Variants in ANKFN1 observed in about 807,000 individuals in gnomAD.
ANKFN1 encodes the protein ankyrin repeat and fibronectin type-III domain-containing protein 1.
ANKFN1 carries 74 observed loss-of-function variants against 108.7 expected under a neutral mutation model. That is an observed-to-expected ratio of 0.68 (90% CI 0.56 to 0.83). ANKFN1 has a LOEUF of 0.83. ANKFN1 is among the 40% of genes least tolerant of loss of function. ANKFN1 has a pLI of 0.00. For missense variants in ANKFN1, 1,505 were observed against 1,382.3 expected, an observed-to-expected ratio of 1.09 and a Z score of -1.41; for synonymous variants, 547 against 516.2, an observed-to-expected ratio of 1.06 and a Z score of -0.81.
At chr17:56,407,820 T>G (rs1392208758) in intron 8 of ANKFN1, among the ~76,000 whole-genome samples, 1 of 152,192 alleles carries the variant, frequency 6.6e-6, no homozygotes, top group Non-Finnish European at 1.5e-5. Context: ...TCAATAAAAT[T>G]TCTTGATGCT....
rs151055227 is a variant in ANKFN1 at position 56,311,367 on chromosome 17, T to G, written c.54-14854T>G. On this transcript the variant is annotated intron_variant, in intron 3 of 20. Transcript: ENST00000682825. The stretch of plus-strand genomic sequence containing the variant: ...TGTGGGGTTCAAAAGAATTGGTGAG[T>G]ATAAGGGACTCATCAAGTACAGGTT... Among the ~76,000 whole-genome samples the G allele has an allele frequency of 2.6e-3, 397 of 152,290 alleles. 3 individuals are homozygous for G. Among genetic ancestry groups the G allele is most frequent in the African/African-American group, 9.0e-3 (372 of 41,544 alleles).
chr17:56,082,322 C>G (rs1905257173), intron 4 of ANKFN1, among the ~76,000 whole-genome samples: 1 of 150,624 alleles, frequency 6.6e-6, no homozygotes, highest in African/African-American at 2.4e-5. Flanking sequence ...TTTTTGTCCT[C>G]TTGGCTTCTC....
chr17:56,201,341 C>A (rs76339515), intron 1 of ANKFN1, among the ~76,000 whole-genome samples: 3,724 of 152,262 alleles, frequency 0.024, 138 homozygotes, highest in African/African-American at 0.085. Flanking sequence ...ATCCAGCAGA[C>A]CTTTGTTTGA....
At chr17:56,432,007 G>A (rs1049314563) in intron 8 of ANKFN1, among the ~76,000 whole-genome samples, 1 of 152,198 alleles carries the variant, frequency 6.6e-6, no homozygotes, top group Admixed American at 6.5e-5. Context: ...CAGAATCCCA[G>A]GAAACATCTC....
intron 8 of ANKFN1, among the ~76,000 whole-genome samples, chr17:56,399,841 TTTTATATATA>T (rs1567972917): frequency 4.5e-5 from 2 of 43,990 alleles, no homozygotes; most frequent in African/African-American, 1.7e-4. Flanking sequence ...GTATTCCATT[TTTTATATATA>T]TATATATATA....
intron 1 of ANKFN1, among the ~76,000 whole-genome samples, chr17:56,162,147 G>A (rs1253458418): frequency 2.6e-5 from 4 of 152,130 alleles, no homozygotes; most frequent in African/African-American, 7.2e-5. Flanking sequence ...ATAAAACTAA[G>A]GAGAGGTAGT....
In ANKFN1 at chr17:56,457,306, A is replaced by G; in HGVS notation, c.1357A>G (p.Thr453Ala). Residue 453 changes from threonine (T) to alanine (A), a missense_variant, in exon 13 of 21, where the codon ACC becomes GCC. Transcript: ENST00000682825. Reference protein sequence around the residue: ...IFYYKDNILVTNEDQVPIVEI... With the variant: ...IFYYKDNILVANEDQVPIVEI... ...TTATTACAAAGACAATATCTTAGTC[A>G]CCAATGAAGATCAAGTACCAATTGT... is the stretch of plus-strand genomic sequence containing the variant. The G allele has an allele frequency of 6.2e-7, 1 of 1,603,536 alleles. No homozygotes were observed. Among genetic ancestry groups the G allele is most frequent in the Non-Finnish European group, 8.5e-7 (1 of 1,173,394 alleles).
At chr17:56,183,905 C>A (rs1720270810) in intron 1 of ANKFN1, among the ~76,000 whole-genome samples, 1 of 152,258 alleles carries the variant, frequency 6.6e-6, no homozygotes, top group East Asian at 1.9e-4. Context: ...AGAAGTAAAG[C>A]CTTCAGATGT....
chr17:56,328,788 G>C (rs773064472), intron 4 of ANKFN1, among the ~76,000 whole-genome samples: 9 of 151,444 alleles, frequency 5.9e-5, no homozygotes, highest in South Asian at 2.1e-4. Context: ...AAAAAAAAAG[G>C]GGGGGCAGGA....
intron 4 of ANKFN1, among the ~76,000 whole-genome samples, chr17:56,055,524 GTGTATGCCTAA>G (rs1904852685): frequency 7.6e-6 from 1 of 131,218 alleles, no homozygotes; most frequent in African/African-American, 3.2e-5. Context: ...GTGTGTGTGT[GTGTATGCCTAA>G]TGTGGTATAT....
intron 4 of ANKFN1, 48 bp downstream of exon 4, chr17:56,326,403 C>T (rs1432337401): frequency 1.1e-5 from 17 of 1,569,408 alleles, no homozygotes; most frequent in Non-Finnish European, 1.5e-5. Context: ...ATGGAGCTTT[C>T]TTAATTACTG....
rs545126122 is a variant in ANKFN1 at position 56,414,695 on chromosome 17, A to G, written c.911-25632A>G. Among the ~76,000 whole-genome samples the G allele has an allele frequency of 2.6e-5, 4 of 152,176 alleles. No homozygotes were observed. In the South Asian group the frequency reaches 8.3e-4, roughly 31 times the overall value. On this transcript the variant is annotated intron_variant, in intron 8 of 20. Coordinates refer to ENST00000682825, the MANE Select transcript of ANKFN1 (RefSeq NM_001370326.1). Reference sequence around the variant, plus strand: ...ATCATTTCAATTGATGCTGAAAAGCATTGATAAAATTCAACATCCTTTCAT... The same window carrying G: ...ATCATTTCAATTGATGCTGAAAAGCGTTGATAAAATTCAACATCCTTTCAT...
At chr17:56,108,527 C>G (rs1301620651) in intron 4 of ANKFN1, among the ~76,000 whole-genome samples, 2 of 152,196 alleles carry the variant, frequency 1.3e-5, no homozygotes, top group African/African-American at 2.4e-5. Context: ...CTGATAACCC[C>G]ATGAGAAGAG....
chr17:56,213,255 C>G (rs1915161378), intron 2 of ANKFN1, among the ~76,000 whole-genome samples: 1 of 152,166 alleles, frequency 6.6e-6, no homozygotes, highest in Non-Finnish European at 1.5e-5. Context: ...CATCCCGTCA[C>G]AGGCTGAAAA....
At chr17:56,501,432 C>A (rs1259300762) in intron 20 of ANKFN1, among the ~76,000 whole-genome samples, 1 of 152,060 alleles carries the variant, frequency 6.6e-6, no homozygotes. Context: ...AAAGGAGACA[C>A]CAAGTTTTCT....
chr17:56,283,319 G>A (rs904109395), intron 3 of ANKFN1, among the ~76,000 whole-genome samples: 7 of 152,100 alleles, frequency 4.6e-5, no homozygotes, highest in Non-Finnish European at 1.0e-4. Context: ...GTGGAAAACA[G>A]TGTAGAGATT....
rs1322295735 is a variant in ANKFN1 at position 56,091,395 on chromosome 17, A to T, written c.288+45070A>T. ...ATCAATTAAAATTTATTTTTAAAAT[A>T]CTTCATTTTTCTTCCAAACAAATCA... On this transcript the variant is annotated intron_variant, in intron 4 of 12. Coordinates refer to the ANKFN1 transcript ENST00000635860. Among the ~76,000 whole-genome samples, 3 of 147,486 alleles carry T rather than the reference A, an allele frequency of 2.0e-5. 1 individual carries two copies. Among genetic ancestry groups the T allele is most frequent in the Non-Finnish European group, 4.5e-5 (3 of 66,760 alleles).
intron 8 of ANKFN1, among the ~76,000 whole-genome samples, chr17:56,399,333 GA>G (rs1051332671): frequency 2.6e-5 from 4 of 151,398 alleles, no homozygotes; most frequent in Admixed American, 6.6e-5. Flanking sequence ...TTAATATCGA[GA>G]AAAAAACTCA....
At chr17:56,247,343 T>G (rs1464231916) in intron 3 of ANKFN1, among the ~76,000 whole-genome samples, 1 of 152,194 alleles carries the variant, frequency 6.6e-6, no homozygotes, top group African/African-American at 2.4e-5. Context: ...AAAGTTAAAC[T>G]TTTAAAACTT....
Sources: gnomAD v4.1 joint callset for allele counts (sites outside exome capture counted in the v4.1 genomes callset) on GRCh38, gnomAD v4.1.1 for gene constraint, MANE v1.5 for transcripts, NCBI Gene and HGNC (gene_info 2026-07-23, HGNC 2026-07-21) for gene names.